SLC16A7: variants seen among roughly 807,000 people sequenced by gnomAD.
SLC16A7 encodes the protein solute carrier family 16 member 7.
A neutral mutation model predicts 34.9 loss-of-function variants in SLC16A7; 33 were observed. The ratio of observed to expected loss-of-function variants is 0.94; its 90% CI spans 0.72 to 1.26. SLC16A7 has a LOEUF of 1.26. Ranked by LOEUF, SLC16A7 falls within the 50% of genes most tolerant of loss-of-function variation. The probability of loss-of-function intolerance (pLI) is 0.00; values close to 1 mark genes in which losing one functional copy is unlikely to be tolerated. For synonymous variants in SLC16A7, 201 were observed against 206.6 expected (o/e 0.97, Z 0.23); for missense variants, 573 against 578.1 (o/e 0.99, Z 0.09).
At chr12:59,767,116 C>T (rs1000053169) in intron 3 of SLC16A7, among the ~76,000 whole-genome samples, 6 of 151,496 alleles carry the variant, frequency 4.0e-5, no homozygotes, top group Non-Finnish European at 7.4e-5. Context: ...AGTTTATTAG[C>T]GAGATTGCTT....
At chr12:59,735,326 A>G (rs989542732) in intron 3 of SLC16A7, among the ~76,000 whole-genome samples, 5 of 152,156 alleles carry the variant, frequency 3.3e-5, no homozygotes, top group Admixed American at 6.5e-5. Context: ...ATGTGCTCTG[A>G]CTGAAGAATA....
intron 2 of SLC16A7, among the ~76,000 whole-genome samples, chr12:59,679,839 T>C (rs932562129): frequency 1.3e-5 from 2 of 152,124 alleles, no homozygotes; most frequent in Non-Finnish European, 2.9e-5. Flanking sequence ...AAAATTAGAA[T>C]TAAGAAAGAA....
At chr12:59,625,381 G>A (rs1879881705) in intron 1 of SLC16A7, among the ~76,000 whole-genome samples, 1 of 151,876 alleles carries the variant, frequency 6.6e-6, no homozygotes, top group Non-Finnish European at 1.5e-5. Flanking sequence ...AATTGGCTTA[G>A]CCTCAATTAT....
At chr12:59,643,335 A>G (rs1344337606) in intron 1 of SLC16A7, among the ~76,000 whole-genome samples, 2 of 152,276 alleles carry the variant, frequency 1.3e-5, no homozygotes, top group Non-Finnish European at 2.9e-5. Context: ...AGTCTCTAAT[A>G]TACATATAAG....
At chr12:59,696,130 A>G (rs980213649) in intron 2 of SLC16A7, among the ~76,000 whole-genome samples, 2 of 151,982 alleles carry the variant, frequency 1.3e-5, no homozygotes, top group Non-Finnish European at 2.9e-5. Context: ...TCTTTCTTAT[A>G]ATAATAGGCT....
chr12:59,681,596 C>G (rs1030767484), intron 2 of SLC16A7, among the ~76,000 whole-genome samples: 21 of 152,094 alleles, frequency 1.4e-4, no homozygotes, highest in Non-Finnish European at 2.4e-4. Context: ...GAGATCCCTA[C>G]AAGTTAGAGA....
At chr12:59,657,127 T>A (rs1028872932) in intron 2 of SLC16A7, among the ~76,000 whole-genome samples, 1 of 152,006 alleles carries the variant, frequency 6.6e-6, no homozygotes, top group Non-Finnish European at 1.5e-5. Flanking sequence ...AAATACTGTA[T>A]TTTCTAGATT....
At chr12:59,631,108 A>G (rs779516099) in intron 1 of SLC16A7, among the ~76,000 whole-genome samples, 5 of 151,916 alleles carry the variant, frequency 3.3e-5, no homozygotes, top group Admixed American at 1.3e-4. Context: ...TTCAAGCTGC[A>G]TCAATTTGGT....
chr12:59,656,909 T>A (rs1180623085), intron 2 of SLC16A7, among the ~76,000 whole-genome samples: 1 of 151,994 alleles, frequency 6.6e-6, no homozygotes, highest in Non-Finnish European at 1.5e-5. Context: ...TCTTGGAGTG[T>A]TAGGTTCAAA....
intron 3 of SLC16A7, among the ~76,000 whole-genome samples, chr12:59,762,940 T>C (rs1881175015): frequency 6.6e-6 from 1 of 152,136 alleles, no homozygotes; most frequent in African/African-American, 2.4e-5. Context: ...ATATTTTTGT[T>C]ACATCTCTGC....
chr12:59,761,687 T>C (rs1160023487), intron 3 of SLC16A7, among the ~76,000 whole-genome samples: 1 of 152,116 alleles, frequency 6.6e-6, no homozygotes, highest in African/African-American at 2.4e-5. Flanking sequence ...TCATGTGAAC[T>C]ACACACATTC....
chr12:59,606,582 C>G (rs1164736802), intron 1 of SLC16A7, among the ~76,000 whole-genome samples: 1 of 152,112 alleles, frequency 6.6e-6, no homozygotes, highest in Non-Finnish European at 1.5e-5. Flanking sequence ...AATAGGGACT[C>G]AGCAAGGTGA....
intron 1 of SLC16A7, among the ~76,000 whole-genome samples, chr12:59,626,407 AT>A (rs1879932869): frequency 6.6e-6 from 1 of 151,766 alleles, no homozygotes; most frequent in African/African-American, 2.4e-5. Context: ...TTATTTACAA[AT>A]TTGTATGGTC....
intron 2 of SLC16A7, among the ~76,000 whole-genome samples, chr12:59,678,895 A>G (rs745855290): frequency 2.6e-5 from 4 of 152,122 alleles, no homozygotes; most frequent in Non-Finnish European, 5.9e-5. Context: ...GTGCTTGTTG[A>G]TGCCCAAAGC....
At chr12:59,702,790 G>A (rs1037911470) in intron 2 of SLC16A7, among the ~76,000 whole-genome samples, 1 of 151,912 alleles carries the variant, frequency 6.6e-6, no homozygotes, top group African/African-American at 2.4e-5. Flanking sequence ...AAATGCCGAG[G>A]ATTTTTTTGC....
intron 3 of SLC16A7, among the ~76,000 whole-genome samples, chr12:59,725,937 C>G (rs1876179515): frequency 6.6e-6 from 1 of 152,012 alleles, no homozygotes; most frequent in African/African-American, 2.4e-5. Flanking sequence ...ATCTTTTTTT[C>G]AGAGGTGACT....
chr12:59,761,889 A>G (rs1881053518), intron 3 of SLC16A7, among the ~76,000 whole-genome samples: 1 of 152,102 alleles, frequency 6.6e-6, no homozygotes, highest in South Asian at 2.1e-4. Context: ...TCATTACAAT[A>G]TTTACTAAAA....
chr12:59,783,846 T>G lies in SLC16A7; in HGVS notation c.*4167T>G, dbSNP rs1883428435. ...TTGTGGCTTTTTTTGTTTTGTTTTG[T>G]TTTGTTTTGTTTTAGTAGAGATGGG... On this transcript the variant is annotated 3_prime_UTR_variant, in exon 6 of 6. Coordinates refer to ENST00000547379, the MANE Select transcript of SLC16A7 (RefSeq NM_001270623.2). The G allele has an allele frequency of 6.6e-6, 1 of 152,064 alleles. No homozygotes were observed. The highest frequency in any genetic ancestry group is 2.1e-4 in the South Asian group (1 of 4,820). The allele number at this position is 152,064 out of a possible 1,614,324, so 9.4% of individuals were successfully genotyped here.
Position 59,740,019 on chromosome 12 carries a change from C to G in SLC16A7, c.218-31200C>G, listed in dbSNP as rs1310516598. Among the ~76,000 whole-genome samples the G allele has an allele frequency of 3.2e-4, 48 of 151,602 alleles. No homozygotes were observed. In the South Asian group the frequency reaches 3.3e-3, roughly 11 times the overall value. On this transcript the variant is annotated intron_variant, in intron 3 of 5. Coordinates refer to ENST00000547379, the MANE Select transcript of SLC16A7 (RefSeq NM_001270623.2). ...TGCCTGTTCACTCTGATGGTAGTTT[C>G]TTTTGCTGTGCAGAAGCTCTTTAGT...
Sources: gnomAD v4.1 joint callset for allele counts (sites outside exome capture counted in the v4.1 genomes callset) on GRCh38, gnomAD v4.1.1 for gene constraint, MANE v1.5 for transcripts, NCBI Gene and HGNC (gene_info 2026-07-23, HGNC 2026-07-21) for gene names.